The following RASSF3 variants were observed in gnomAD, a reference collection of about 807,000 sequenced individuals.
RASSF3 encodes Ras association domain family member 3.
A neutral mutation model predicts 19.9 loss-of-function variants in RASSF3; 19 were observed. That is an observed-to-expected ratio of 0.96 (90% CI 0.67 to 1.40). The LOEUF (loss-of-function observed/expected upper bound fraction) is 1.40. Among genes scored for constraint, RASSF3 ranks in the 40% most tolerant of loss-of-function variants. The pLI is 0.00. For synonymous variants in RASSF3, 110 were observed against 104.2 expected (o/e 1.06, Z -0.34); for missense variants, 306 against 289.8 (o/e 1.06, Z -0.41).
intron 1 of RASSF3, among the ~76,000 whole-genome samples, chr12:64,517,907 C>T (rs547885835): frequency 6.6e-6 from 1 of 152,030 alleles, no homozygotes; most frequent in Non-Finnish European, 1.5e-5. Context: ...CATGAGCCAC[C>T]GCATCCAGCT....
upstream of RASSF3, among the ~76,000 whole-genome samples, chr12:64,608,536 C>T (rs1292241023): frequency 6.6e-6 from 1 of 151,972 alleles, no homozygotes; most frequent in East Asian, 1.9e-4. Context: ...TGGTTTCCAA[C>T]TCCTGACCTC....
chr12:64,523,812 A>G (rs975061107), intron 1 of RASSF3, among the ~76,000 whole-genome samples: 1 of 150,388 alleles, frequency 6.6e-6, no homozygotes, highest in African/African-American at 2.4e-5. Flanking sequence ...GGCTCAAGCA[A>G]TCCTCCCACC....
intron 1 of RASSF3, among the ~76,000 whole-genome samples, chr12:64,524,771 C>A (rs1313621305): frequency 2.6e-5 from 4 of 152,172 alleles, no homozygotes; most frequent in Admixed American, 2.6e-4. Context: ...TTATATCATG[C>A]TTGGAACCAA....
At chr12:64,693,297 T>C (rs2136226330) in intron 4 of RASSF3, among the ~76,000 whole-genome samples, 1 of 152,300 alleles carries the variant, frequency 6.6e-6, no homozygotes, top group African/African-American at 2.4e-5. Flanking sequence ...ACAGCAGTTC[T>C]CCACCAGGAT....
intron 3 of RASSF3, among the ~76,000 whole-genome samples, 181 bp downstream of exon 3, chr12:64,688,634 A>T (rs1280875894): frequency 6.6e-6 from 1 of 151,414 alleles, no homozygotes; most frequent in African/African-American, 2.4e-5. Flanking sequence ...CATATTTTTG[A>T]GTTGGACAGT....
chr12:64,626,098 G>T (rs566511241), intron 1 of RASSF3, among the ~76,000 whole-genome samples: 29 of 152,092 alleles, frequency 1.9e-4, no homozygotes, highest in Non-Finnish European at 3.2e-4. Context: ...CCACTGTGAA[G>T]ATTTTTAATA....
In RASSF3 at chr12:64,582,662, T is replaced by G. The variant is rs563767094; in HGVS notation, c.294+40957T>G. Among the ~76,000 whole-genome samples the G allele has an allele frequency of 3.9e-5, 6 of 152,256 alleles. No individual in the cohort carries two copies. In the East Asian group the frequency reaches 7.7e-4, roughly 20 times the overall value. On this transcript the variant is annotated intron_variant, in intron 2 of 5. Coordinates refer to the RASSF3 transcript ENST00000637125. The stretch of plus-strand genomic sequence containing the variant: ...AAGAAGTTGTGGAGTTAGAAAAAGA[T>G]TCATTCTGAAGCCGTCTCCCTCTCA...
chr12:64,581,801 T>G (rs1869705492), intron 2 of RASSF3, among the ~76,000 whole-genome samples: 1 of 149,358 alleles, frequency 6.7e-6, no homozygotes, highest in Non-Finnish European at 1.5e-5. Context: ...TTTTTTTTTG[T>G]TTTTCTTTTT....
At chr12:64,521,048 G>A (rs926055501) in intron 1 of RASSF3, among the ~76,000 whole-genome samples, 7 of 152,148 alleles carry the variant, frequency 4.6e-5, no homozygotes, top group Non-Finnish European at 1.0e-4. Context: ...AGAAGGATGT[G>A]GAGACTGGGG....
chr12:64,534,789 A>C (rs183127703), intron 1 of RASSF3, among the ~76,000 whole-genome samples: 4 of 152,324 alleles, frequency 2.6e-5, no homozygotes, highest in Admixed American at 2.0e-4. Flanking sequence ...GTTTGTGGAT[A>C]GCGAGATGCC....
intron 1 of RASSF3, among the ~76,000 whole-genome samples, chr12:64,661,534 CCCTG>C (rs753826243): frequency 1.3e-5 from 2 of 151,902 alleles, no homozygotes; most frequent in Non-Finnish European, 2.9e-5. Flanking sequence ...GCTCACACAA[CCCTG>C]TTTGTTCCTT....
At chr12:64,641,683 G>A (rs1354966567) in intron 1 of RASSF3, among the ~76,000 whole-genome samples, 1 of 149,744 alleles carries the variant, frequency 6.7e-6, no homozygotes, top group Non-Finnish European at 1.5e-5. Flanking sequence ...GGGCATTTAA[G>A]CGGTTGAATA....
At chr12:64,687,717 C>A (rs531354365) in intron 2 of RASSF3, among the ~76,000 whole-genome samples, 1 of 152,098 alleles carries the variant, frequency 6.6e-6, no homozygotes, top group Admixed American at 6.6e-5. Flanking sequence ...TGAAAATAGC[C>A]TGTTTTCTTA....
intron 1 of RASSF3, among the ~76,000 whole-genome samples, chr12:64,663,644 T>C (rs556590578): frequency 5.3e-5 from 8 of 152,060 alleles, no homozygotes; most frequent in African/African-American, 1.4e-4. Flanking sequence ...TAGCTGGGAC[T>C]ACAGGCACAT....
At chr12:64,668,989 GA>G (rs1324489835) in intron 1 of RASSF3, among the ~76,000 whole-genome samples, 7 of 151,774 alleles carry the variant, frequency 4.6e-5, no homozygotes, top group Non-Finnish European at 1.0e-4. Flanking sequence ...TTTTTAGGAG[GA>G]AAAAAAATTG....
chr12:64,564,086 C>T (rs77137823), intron 2 of RASSF3, among the ~76,000 whole-genome samples: 1,968 of 152,192 alleles, frequency 0.013, 45 homozygotes, highest in African/African-American at 0.045. Flanking sequence ...AATGTCATTG[C>T]GGATTTTGAT....
In RASSF3 at chr12:64,577,418, G is replaced by A. The variant is rs577985944; in HGVS notation, c.294+35713G>A. ...GATTGGCTTTCCTTGAGAAATCGGT[G>A]TTGTCTGTGAAGAAGATAAACAGTA... On this transcript the variant is annotated intron_variant, in intron 2 of 5. Transcript: ENST00000637125. 2.7e-4 allele frequency among the ~76,000 whole-genome samples: 41 copies of A among 152,344 alleles called. 1 individual carries two copies. Among genetic ancestry groups the A allele is most frequent in the African/African-American group, 9.1e-4 (38 of 41,590 alleles).
chr12:64,563,634 C>T (rs1869383721), intron 2 of RASSF3, among the ~76,000 whole-genome samples: 1 of 152,248 alleles, frequency 6.6e-6, no homozygotes, highest in Admixed American at 6.5e-5. Flanking sequence ...AATCACTATA[C>T]ACCGCCAGCT....
At chr12:64,669,615 A>T (rs1483089646) in intron 1 of RASSF3, among the ~76,000 whole-genome samples, 2 of 151,954 alleles carry the variant, frequency 1.3e-5, no homozygotes, top group East Asian at 3.9e-4. Context: ...TCAGCCTTGT[A>T]CTTTAGCACG....
Sources: allele counts gnomAD v4.1 joint callset (sites outside exome capture counted in the v4.1 genomes callset), GRCh38; gene constraint gnomAD v4.1.1; transcripts MANE v1.5; gene names NCBI Gene and HGNC (gene_info 2026-07-23, HGNC 2026-07-21).